ABRACL: variants seen among roughly 807,000 people sequenced by gnomAD.
ABRACL encodes ABRA C-terminal like.
In ABRACL, 4 loss-of-function variants were observed where a neutral mutation model predicts 7.0. The ratio of observed to expected loss-of-function variants is 0.57; its 90% CI spans 0.28 to 1.30. ABRACL has a LOEUF of 1.30. Ranked by LOEUF, ABRACL falls within the 50% of genes most tolerant of loss-of-function variation. ABRACL has a pLI of 0.10. For missense variants in ABRACL, 104 were observed against 97.3 expected (o/e 1.07, Z -0.29); for synonymous variants, 30 against 36.0 (o/e 0.83, Z 0.60).
chr6:139,042,606 T>A, intron 2 of ABRACL, 113 bp from the exon 3 acceptor site: 2 of 1,028,650 alleles, frequency 1.9e-6, no homozygotes, highest in Non-Finnish European at 2.8e-6. Flanking sequence ...AGTGTTAAAT[T>A]GCAACCTTGG....
intron 1 of ABRACL, among the ~76,000 whole-genome samples, chr6:139,029,287 G>A (rs1230484478): frequency 1.3e-5 from 2 of 152,150 alleles, no homozygotes; most frequent in African/African-American, 4.8e-5. Context: ...GGTGGCCTCA[G>A]GGCAGTGGAC....
chr6:139,032,986 A>C (rs1035231508), intron 1 of ABRACL, among the ~76,000 whole-genome samples: 1 of 152,216 alleles, frequency 6.6e-6, no homozygotes, highest in African/African-American at 2.4e-5. Flanking sequence ...ATTAAGTGAA[A>C]TGAAGAGGGG....
chr6:139,030,422 C>T (rs1786065132), intron 1 of ABRACL, among the ~76,000 whole-genome samples: 1 of 152,168 alleles, frequency 6.6e-6, no homozygotes, highest in South Asian at 2.1e-4. Flanking sequence ...CACCCTCCGC[C>T]CCCTTCATTG....
chr6:139,032,058 T>A (rs1408164280), intron 1 of ABRACL, among the ~76,000 whole-genome samples: 2 of 152,060 alleles, frequency 1.3e-5, no homozygotes, highest in Non-Finnish European at 2.9e-5. Flanking sequence ...CCTCCCGGGT[T>A]CACGCCATAC....
chr6:139,037,741 C>T (rs1786184644), intron 2 of ABRACL, among the ~76,000 whole-genome samples: 1 of 151,510 alleles, frequency 6.6e-6, no homozygotes, highest in Admixed American at 6.6e-5. Context: ...GGTCATGTTA[C>T]TCTTGGCAGC....
At chr6:139,031,493 T>G (rs547849042) in intron 1 of ABRACL, among the ~76,000 whole-genome samples, 3 of 152,250 alleles carry the variant, frequency 2.0e-5, no homozygotes, top group Admixed American at 2.0e-4. Context: ...TAATAGAAAC[T>G]CAATCAAACC....
In ABRACL at chr6:139,032,029, C is replaced by T. The variant is rs1049258329; in HGVS notation, c.-6-2126C>T. 3.3e-5 allele frequency among the ~76,000 whole-genome samples: 5 copies of T among 151,594 alleles called. No homozygotes were observed. The East Asian group carries it at 5.8e-4, about 18-fold the overall frequency. On this transcript the variant is annotated intron_variant, in intron 1 of 2. Transcript: ENST00000367660. ...AGGTTGGAGTGCAGTGGCGTGATCTCGGCTCACTGCAAGCTCCGCCTCCCG... is the reference window on the plus strand; with the variant it reads ...AGGTTGGAGTGCAGTGGCGTGATCTTGGCTCACTGCAAGCTCCGCCTCCCG...
Position 139,043,047 on chromosome 6 carries a change from C to T in ABRACL, c.*144C>T, listed in dbSNP as rs980042172. 2 of 594,456 alleles carry T rather than the reference C, an allele frequency of 3.4e-6. No individual in the cohort carries two copies. The highest frequency in any genetic ancestry group is 3.8e-5 in the African/African-American group (2 of 51,952). 36.8% of individuals were successfully genotyped at this position (594,456 alleles called of 1,614,324 possible). Reference sequence around the variant, plus strand: ...GGAGATTCATGTTTTAGAAGTCTGTCCTTTTTTATATCTTGAAAGAAAATC... The same window carrying T: ...GGAGATTCATGTTTTAGAAGTCTGTTCTTTTTTATATCTTGAAAGAAAATC... On this transcript the variant is annotated 3_prime_UTR_variant, in exon 3 of 3. Transcript: ENST00000367660.
At chr6:139,040,293 A>C (rs1786225805) in intron 2 of ABRACL, among the ~76,000 whole-genome samples, 1 of 152,136 alleles carries the variant, frequency 6.6e-6, no homozygotes, top group African/African-American at 2.4e-5. Flanking sequence ...CAGGGCCTGA[A>C]CCAAGGAATT....
intron 2 of ABRACL, among the ~76,000 whole-genome samples, chr6:139,038,785 T>A (rs1786202207): frequency 6.6e-6 from 1 of 152,214 alleles, no homozygotes; most frequent in South Asian, 2.1e-4. Context: ...GGCTGTAAAG[T>A]CGGACTCTCT....
rs559736599 is a variant in ABRACL at position 139,030,419 on chromosome 6, C to T, written c.-7+1544C>T. On this transcript the variant is annotated intron_variant, in intron 1 of 2. Coordinates refer to ENST00000367660, the MANE Select transcript of ABRACL (RefSeq NM_021243.3). Reference sequence around the variant, plus strand: ...TACCCATCAACCTCTCTTCACCCTCCGCCCCCTTCATTGTTCTTCATCTTG... The same window carrying T: ...TACCCATCAACCTCTCTTCACCCTCTGCCCCCTTCATTGTTCTTCATCTTG... 3.3e-5 allele frequency among the ~76,000 whole-genome samples: 5 copies of T among 152,302 alleles called. No homozygotes were observed. In the East Asian group the frequency reaches 7.7e-4, roughly 23 times the overall value.
intron 2 of ABRACL, among the ~76,000 whole-genome samples, chr6:139,041,531 A>ATATATTTTTTT (rs748288046): frequency 1.9e-4 from 24 of 126,038 alleles, no homozygotes; most frequent in African/African-American, 5.6e-4. Flanking sequence ...ATATATATAT[A>ATATATTTTTTT]TTTTTTTTTA....
intron 2 of ABRACL, among the ~76,000 whole-genome samples, chr6:139,036,640 AGT>A (rs1418289512): frequency 2.6e-5 from 4 of 152,168 alleles, no homozygotes; most frequent in Non-Finnish European, 5.9e-5. Context: ...AGTGGTATAA[AGT>A]GTGTTCCTTT....
Position 139,038,047 on chromosome 6 carries a change from G to A in ABRACL, c.61+3826G>A, listed in dbSNP as rs907015818. Among the ~76,000 whole-genome samples, 10 of 152,276 alleles carry A rather than the reference G, an allele frequency of 6.6e-5. 1 individual carries two copies. Among genetic ancestry groups the A allele is most frequent in the Admixed American group, 6.5e-4 (10 of 15,300 alleles). The stretch of plus-strand genomic sequence containing the variant: ...CCGCCTCAGCCTTCCAAAGTGCTGG[G>A]ATTGTAGACATGAGCTGCTGGGCCC... On this transcript the variant is annotated intron_variant, in intron 2 of 2. Transcript: ENST00000367660.
chr6:139,040,466 TTACTG>T (rs940821168), intron 2 of ABRACL, among the ~76,000 whole-genome samples: 7 of 152,198 alleles, frequency 4.6e-5, no homozygotes, highest in Non-Finnish European at 8.8e-5. Context: ...AGTTGAGAAT[TTACTG>T]TATGCTGGGG....
intron 1 of ABRACL, among the ~76,000 whole-genome samples, chr6:139,029,089 C>G (rs911460734): frequency 5.3e-5 from 8 of 152,244 alleles, no homozygotes; most frequent in Admixed American, 2.0e-4. Context: ...CCTCTCGGGT[C>G]GACTTCCGCA....
intron 2 of ABRACL, among the ~76,000 whole-genome samples, chr6:139,036,244 C>G (rs1392425217): frequency 1.3e-5 from 2 of 151,980 alleles, no homozygotes; most frequent in Admixed American, 6.6e-5. Context: ...CCTGGCCTGC[C>G]TCCTTCTTCT....
chr6:139,028,908 TAGCAGGG>T (rs1786033193), intron 1 of ABRACL, 33 bp downstream of exon 1: 1 of 151,994 alleles, frequency 6.6e-6, no homozygotes, highest in Non-Finnish European at 1.5e-5. Context: ...GTGGCTTAGG[TAGCAGGG>T]ATGGACTGGG....
At chr6:139,034,813 A>G (rs771388969) in intron 2 of ABRACL, among the ~76,000 whole-genome samples, 5 of 152,214 alleles carry the variant, frequency 3.3e-5, no homozygotes, top group Non-Finnish European at 7.3e-5. Flanking sequence ...ATAACTAGGC[A>G]GCTTCCTTGA....
Sources: gnomAD v4.1 joint callset for allele counts (sites outside exome capture counted in the v4.1 genomes callset) on GRCh38, gnomAD v4.1.1 for gene constraint, MANE v1.5 for transcripts, NCBI Gene and HGNC (gene_info 2026-07-23, HGNC 2026-07-21) for gene names.